The following CCDC125 variants were observed in gnomAD, a reference collection of about 807,000 sequenced individuals.
The protein encoded by CCDC125 is coiled-coil domain-containing protein 125.
A neutral mutation model predicts 57.4 loss-of-function variants in CCDC125; 43 were observed. The ratio of observed to expected loss-of-function variants is 0.75; its 90% CI spans 0.59 to 0.97. The LOEUF is 0.97. Among genes scored for constraint, CCDC125 ranks in the 50% least tolerant of loss-of-function variants. The pLI is 0.00. For missense variants in CCDC125, 563 were observed against 595.7 expected (o/e 0.95, Z 0.57); for synonymous variants, 187 against 195.2 (o/e 0.96, Z 0.35).
chr5:69,282,704 A>C lies in CCDC125; in HGVS notation c.*25T>G. The C allele has an allele frequency of 6.5e-7, 1 of 1,528,496 alleles. No individual in the cohort carries two copies. The highest frequency in any genetic ancestry group is 8.8e-7 in the Non-Finnish European group (1 of 1,136,484). 94.7% of individuals were successfully genotyped at this position (1,528,496 alleles called of 1,614,324 possible). A position where few individuals can be genotyped will look rare whatever the true frequency, so the allele number is the denominator to read the frequency against. ...AAGTATCTCGATATAAACAACTCTCAGTTCCAATTTCAACTGGCTTGTCTT... is the reference window on the plus strand; with the variant it reads ...AAGTATCTCGATATAAACAACTCTCCGTTCCAATTTCAACTGGCTTGTCTT... On this transcript the variant is annotated 3_prime_UTR_variant, in exon 12 of 12. Transcript: ENST00000396496.
chr5:69,323,873 A>G (rs1580237545), intron 1 of CCDC125: 1 of 152,198 alleles, frequency 6.6e-6, no homozygotes. Flanking sequence ...AGTGCAGTTA[A>G]GAGGGACTTT....
Position 69,314,487 on chromosome 5 carries a change from C to A in CCDC125, c.305-441G>T, listed in dbSNP as rs56308213. Among the ~76,000 whole-genome samples the A allele has an allele frequency of 3.5e-3, 531 of 151,564 alleles. 3 individuals are homozygous for A. The highest frequency in any genetic ancestry group is 0.012 in the African/African-American group (507 of 41,328). On this transcript the variant is annotated intron_variant, in intron 2 of 11. Transcript: ENST00000396496. ...CAAAAAAAAAAAAATTATAACAGAC[C>A]AAATTATGGTAAAAATAGGAGTGTA...
chr5:69,306,929 G>A, intron 5 of CCDC125, 27 bp from the exon 6 acceptor site: 1 of 1,461,072 alleles, frequency 6.8e-7, no homozygotes, highest in South Asian at 1.6e-5. Flanking sequence ...GTACCTTCAT[G>A]GCAAATTACT....
chr5:69,279,484 C>G (rs187674406), downstream of CCDC125, among the ~76,000 whole-genome samples: 1 of 152,166 alleles, frequency 6.6e-6, no homozygotes, highest in African/African-American at 2.4e-5. Flanking sequence ...GCGTGAGCCA[C>G]CGTGCCCGGC....
chr5:69,302,159 C>T (rs775360287), intron 7 of CCDC125, among the ~76,000 whole-genome samples: 7 of 151,652 alleles, frequency 4.6e-5, no homozygotes, highest in Admixed American at 1.3e-4. Context: ...TGGTGATTCA[C>T]ACCTGTAATC....
At chr5:69,292,959 G>A (rs1754711027) in intron 9 of CCDC125, among the ~76,000 whole-genome samples, 1 of 150,954 alleles carries the variant, frequency 6.6e-6, no homozygotes. Context: ...TCCTGCCTCT[G>A]CCTCTCGAGT....
chr5:69,329,018 C>T (rs752059426), intron 1 of CCDC125, among the ~76,000 whole-genome samples: 4 of 151,982 alleles, frequency 2.6e-5, no homozygotes. Flanking sequence ...TGGTCTCAAT[C>T]TCCTGACCTC....
At chr5:69,296,954 ACT>A (rs1197305481) in intron 8 of CCDC125, among the ~76,000 whole-genome samples, 10 of 152,224 alleles carry the variant, frequency 6.6e-5, no homozygotes, top group Admixed American at 5.9e-4. Context: ...ACAGAGCAAG[ACT>A]CTGTCTCAAA....
At chr5:69,295,563 G>A (rs964123672) in intron 8 of CCDC125, among the ~76,000 whole-genome samples, 3 of 152,120 alleles carry the variant, frequency 2.0e-5, no homozygotes, top group African/African-American at 7.2e-5. Flanking sequence ...TTCTGTAAAT[G>A]AGGAGGAGAG....
intron 4 of CCDC125, chr5:69,310,903 T>C (rs1165706125): frequency 7.3e-6 from 2 of 275,388 alleles, no homozygotes; most frequent in Non-Finnish European, 1.4e-5. Flanking sequence ...ATTATAATGA[T>C]GGTGGTACAA....
intron 1 of CCDC125, among the ~76,000 whole-genome samples, chr5:69,321,366 G>A (rs980625292): frequency 6.6e-6 from 1 of 152,092 alleles, no homozygotes; most frequent in Non-Finnish European, 1.5e-5. Flanking sequence ...AAACCCATCA[G>A]TAAAGTCATG....
chr5:69,292,271 T>A lies in CCDC125; in HGVS notation c.1016A>T (p.Asp339Val), dbSNP rs1180354130. 1.2e-6 allele frequency: 2 copies of A among 1,613,554 alleles called. No individual in the cohort carries two copies. Among genetic ancestry groups the A allele is most frequent in the Non-Finnish European group, 1.7e-6 (2 of 1,179,708 alleles). Residue 339 changes from aspartate (D) to valine (V), a missense_variant, in exon 10 of 12, where the codon GAC becomes GTC. Physicochemically the swap from Asp to Val is radical, Grantham distance 152. Coordinates refer to ENST00000396496, the MANE Select transcript of CCDC125 (RefSeq NM_176816.5). ...AFEQQLMRKN[D>V]QALQLTQMDK... ...CATTTGTGTCAATTGTAGTGCCTGG[T>A]CATTTTTTCTCATTAATTGTTGCTC...
At chr5:69,322,449 C>T (rs1760177586) in intron 1 of CCDC125, among the ~76,000 whole-genome samples, 1 of 152,002 alleles carries the variant, frequency 6.6e-6, no homozygotes, top group African/African-American at 2.4e-5. Context: ...CTTAGCCAGG[C>T]ATGGTGGCTC....
At chr5:69,294,069 G>A (rs1754933979) in intron 9 of CCDC125, 41 of 829,274 alleles carry the variant, frequency 4.9e-5, no homozygotes, top group Non-Finnish European at 5.8e-5. Context: ...GCAAACCTAG[G>A]TCTGGCTGGG....
chr5:69,302,378 G>A (rs556786363), intron 7 of CCDC125, among the ~76,000 whole-genome samples: 55 of 114,500 alleles, frequency 4.8e-4, no homozygotes, highest in Admixed American at 4.5e-3. Context: ...CCAAGATGGC[G>A]TCACAGCACT....
chr5:69,276,434 G>T, downstream of CCDC125: 1 of 884,162 alleles, frequency 1.1e-6, no homozygotes, highest in Non-Finnish European at 1.8e-6. Context: ...TGGGAATGAG[G>T]GCATTCACAT....
chr5:69,327,083 A>G (rs1760821462), intron 1 of CCDC125, among the ~76,000 whole-genome samples: 1 of 140,300 alleles, frequency 7.1e-6, no homozygotes, highest in Non-Finnish European at 1.5e-5. Flanking sequence ...TGCTGACTGT[A>G]TATTCTCCCA....
At chr5:69,278,232 G>T (rs1009828621), downstream of CCDC125, among the ~76,000 whole-genome samples, 2 of 150,698 alleles carry the variant, frequency 1.3e-5, no homozygotes. Context: ...TTGAGATGGA[G>T]TCTCGCTCTG....
chr5:69,277,769 C>CA (rs200595059), downstream of CCDC125, among the ~76,000 whole-genome samples: 25,648 of 130,980 alleles, frequency 0.2, 2,466 homozygotes, highest in African/African-American at 0.28. Flanking sequence ...GACACAGTCT[C>CA]AAAAAAAAAA....
Sources: allele counts gnomAD v4.1 joint callset (sites outside exome capture counted in the v4.1 genomes callset), GRCh38; gene constraint gnomAD v4.1.1; transcripts MANE v1.5; gene names NCBI Gene and HGNC (gene_info 2026-07-23, HGNC 2026-07-21).